The following CTNNA2 variants were observed in gnomAD, a reference collection of about 807,000 sequenced individuals.
CTNNA2 encodes the protein catenin alpha-2.
A neutral mutation model predicts 101.0 loss-of-function variants in CTNNA2; 42 were observed. That is an observed-to-expected ratio of 0.42 (90% confidence interval 0.32 to 0.54). CTNNA2 has a LOEUF of 0.54. Ranked by LOEUF, CTNNA2 falls within the 20% of genes least tolerant of loss-of-function variation. The pLI is 0.14. For missense variants in CTNNA2, 871 were observed against 1,223.1 expected, an observed-to-expected ratio of 0.71 and a Z score of 4.29; for synonymous variants, 450 against 456.4, an observed-to-expected ratio of 0.99 and a Z score of 0.18.
At chr2:79,690,475 T>C (rs540261622) in intron 2 of CTNNA2, among the ~76,000 whole-genome samples, 28 of 152,010 alleles carry the variant, frequency 1.8e-4, no homozygotes, top group Non-Finnish European at 3.8e-4. Context: ...AACTCATTCT[T>C]TTTTATGGCC....
intron 1 of CTNNA2, among the ~76,000 whole-genome samples, chr2:79,542,542 A>G (rs983522022): frequency 6.6e-6 from 1 of 152,170 alleles, no homozygotes; most frequent in African/African-American, 2.4e-5. Context: ...TCTCAGCTTC[A>G]TTGCTCACTA....
rs1468043220 is a variant in CTNNA2, at chr2:80,363,824, T to C, written c.1057-29387T>C. Among the ~76,000 whole-genome samples the C allele has an allele frequency of 2.0e-5, 3 of 152,150 alleles. No homozygotes were observed. The East Asian group carries it at 5.8e-4, about 29-fold the overall frequency. On this transcript the variant is annotated intron_variant, in intron 7 of 18. Coordinates refer to ENST00000402739, the MANE Select transcript of CTNNA2 (RefSeq NM_001282597.3). ...TTCATGAGACCAGTGATTAACCCAA[T>C]AGCAAAACGGAATTTATATCAACCA...
intron 18 of CTNNA2, among the ~76,000 whole-genome samples, chr2:80,629,501 G>A (rs777656778): frequency 1.8e-4 from 28 of 152,094 alleles, no homozygotes; most frequent in Non-Finnish European, 3.5e-4. Context: ...AAATCTTTCG[G>A]ATACAGATGA....
At chr2:79,667,990 C>T (rs1426731756) in intron 2 of CTNNA2, among the ~76,000 whole-genome samples, 1 of 150,918 alleles carries the variant, frequency 6.6e-6, no homozygotes, top group Non-Finnish European at 1.5e-5. Flanking sequence ...CCTGTAATCC[C>T]AGCACTTTGG....
intron 7 of CTNNA2, among the ~76,000 whole-genome samples, chr2:80,249,197 A>G (rs1398231362): frequency 6.6e-6 from 1 of 152,194 alleles, no homozygotes; most frequent in Non-Finnish European, 1.5e-5. Context: ...TCCATGTTTG[A>G]CACTGTTTTT....
intron 1 of CTNNA2, among the ~76,000 whole-genome samples, chr2:79,557,831 T>C (rs758234234): frequency 1.3e-5 from 2 of 152,008 alleles, no homozygotes; most frequent in African/African-American, 4.8e-5. Context: ...TGACATCTAT[T>C]ATTTTTGTCA....
At chr2:79,799,181 G>GTT (rs72397142) in intron 3 of CTNNA2, among the ~76,000 whole-genome samples, 16 of 143,690 alleles carry the variant, frequency 1.1e-4, no homozygotes, top group South Asian at 4.3e-4. Flanking sequence ...CTCAGATCTT[G>GTT]TTTTTTTTTT....
At chr2:79,287,341 G>T (rs1484002288) in intron 2 of CTNNA2, among the ~76,000 whole-genome samples, 1 of 152,150 alleles carries the variant, frequency 6.6e-6, no homozygotes, top group East Asian at 1.9e-4. Context: ...CTGCTTTTTA[G>T]AGTTTCCAGT....
intron 3 of CTNNA2, among the ~76,000 whole-genome samples, chr2:79,827,873 T>C (rs957264093): frequency 1.3e-5 from 2 of 152,210 alleles, no homozygotes; most frequent in African/African-American, 4.8e-5. Context: ...GTTTCCACAA[T>C]GGAGTTATGT....
intron 7 of CTNNA2, among the ~76,000 whole-genome samples, chr2:80,367,212 A>T (rs746983543): frequency 2.0e-5 from 3 of 152,124 alleles, no homozygotes; most frequent in Non-Finnish European, 4.4e-5. Flanking sequence ...GGAAAACAAA[A>T]TACTTCATTA....
At chr2:80,641,990 G>T (rs960570507) in intron 18 of CTNNA2, among the ~76,000 whole-genome samples, 1 of 152,038 alleles carries the variant, frequency 6.6e-6, no homozygotes, top group Non-Finnish European at 1.5e-5. Flanking sequence ...AGCAAAACAT[G>T]ATTTTTTTAA....
intron 3 of CTNNA2, among the ~76,000 whole-genome samples, chr2:79,814,698 T>C (rs570828827): frequency 2.9e-4 from 44 of 152,136 alleles, no homozygotes; most frequent in African/African-American, 1.0e-3. Flanking sequence ...TTTGTGTTGG[T>C]TCCACGATCA....
At chr2:80,049,916 C>T (rs1402766111) in intron 7 of CTNNA2, among the ~76,000 whole-genome samples, 1 of 152,110 alleles carries the variant, frequency 6.6e-6, no homozygotes, top group Non-Finnish European at 1.5e-5. Flanking sequence ...CAGAATTGCC[C>T]CTCCCCTCTA....
At position 80,162,843 on chromosome 2, in the gene CTNNA2, A is replaced by G. The variant is rs894929729; in HGVS notation, c.1057-230368A>G. ...TCTCTGAAAATTTTCTGGAGAAGAG[A>G]AAGATCTCTGAATTATCTGTGCTGA... On this transcript the variant is annotated intron_variant, in intron 7 of 18. Transcript: ENST00000402739. The G allele has an allele frequency of 1.4e-5, 23 of 1,596,260 alleles. No homozygotes were observed. The Admixed American group carries it at 3.7e-4, about 25-fold the overall frequency.
At chr2:79,880,691 A>G (rs1683360968) in intron 6 of CTNNA2, among the ~76,000 whole-genome samples, 1 of 137,118 alleles carries the variant, frequency 7.3e-6, no homozygotes, top group Non-Finnish European at 1.6e-5. Context: ...TATTGTGCCT[A>G]TTTGATTCTT....
rs146651959 is a variant in CTNNA2, at chr2:79,440,422, C to T, written c.-134-64632C>T. On this transcript the variant is annotated intron_variant, in intron 4 of 21. Coordinates refer to the CTNNA2 transcript ENST00000466387. ...GTGTGGTGATTCAGTATTTTACTGGCCCTTTGGTAAAAGGAAAGGAGAATC... is the reference window on the plus strand; with the variant it reads ...GTGTGGTGATTCAGTATTTTACTGGTCCTTTGGTAAAAGGAAAGGAGAATC... Among the ~76,000 whole-genome samples, 411 of 152,172 alleles carry T rather than the reference C, an allele frequency of 2.7e-3. 7 individuals carry two copies. Among genetic ancestry groups the T allele is most frequent in the Non-Finnish European group, 7.8e-4 (53 of 68,002 alleles).
chr2:79,924,623 T>A (rs1169504847), intron 7 of CTNNA2, among the ~76,000 whole-genome samples: 3 of 152,104 alleles, frequency 2.0e-5, no homozygotes, highest in Non-Finnish European at 2.9e-5. Flanking sequence ...TAACTAGACA[T>A]AGGGATGGTT....
chr2:80,033,136 C>T (rs756520447), intron 7 of CTNNA2, among the ~76,000 whole-genome samples: 5 of 128,680 alleles, frequency 3.9e-5, no homozygotes, highest in East Asian at 4.8e-4. Context: ...GGTGACAGAG[C>T]GGACTCCATC....
chr2:80,098,347 G>A (rs1401143512), intron 7 of CTNNA2, among the ~76,000 whole-genome samples: 2 of 152,182 alleles, frequency 1.3e-5, no homozygotes, highest in Non-Finnish European at 2.9e-5. Context: ...AAATGCTGCT[G>A]CCTGATCGTT....
Sources: gnomAD v4.1 joint callset for allele counts (sites outside exome capture counted in the v4.1 genomes callset) on GRCh38, gnomAD v4.1.1 for gene constraint, MANE v1.5 for transcripts, NCBI Gene and HGNC (gene_info 2026-07-23, HGNC 2026-07-21) for gene names.